Variants in RAB31 observed in about 807,000 individuals in gnomAD.
The protein encoded by RAB31 is RAB31, member RAS oncogene family, also known as ras-related protein Rab-31.
A neutral mutation model predicts 25.6 loss-of-function variants in RAB31; 21 were observed. That is an observed-to-expected ratio of 0.82 (90% confidence interval 0.58 to 1.18). The LOEUF is 1.18. Among genes scored for constraint, RAB31 ranks in the 50% most tolerant of loss-of-function variants. The pLI is 0.00. For missense variants in RAB31, 196 were observed against 250.1 expected (o/e 0.78, Z 1.46); for synonymous variants, 87 against 84.0 (o/e 1.04, Z -0.20).
intron 3 of RAB31, among the ~76,000 whole-genome samples, chr18:9,801,640 A>C (rs1300518205): frequency 1.3e-5 from 2 of 152,140 alleles, no homozygotes; most frequent in Non-Finnish European, 2.9e-5. Context: ...GTTGGGTCAT[A>C]TGGTAACTCT....
chr18:9,720,898 T>G (rs2068070804), intron 1 of RAB31, among the ~76,000 whole-genome samples: 1 of 152,084 alleles, frequency 6.6e-6, no homozygotes, highest in African/African-American at 2.4e-5. Flanking sequence ...GTTTATAGCT[T>G]CGGTGAAATG....
intron 6 of RAB31, among the ~76,000 whole-genome samples, chr18:9,855,870 A>T (rs768731622): frequency 6.6e-6 from 1 of 152,148 alleles, no homozygotes; most frequent in Non-Finnish European, 1.5e-5. Context: ...TCTCCCCGCC[A>T]TGCAAAACCC....
chr18:9,742,887 T>C (rs2068186977), intron 1 of RAB31, among the ~76,000 whole-genome samples: 1 of 152,214 alleles, frequency 6.6e-6, no homozygotes, highest in African/African-American at 2.4e-5. Flanking sequence ...CTTCTTCTTT[T>C]CCTTCTTCTT....
intron 1 of RAB31, among the ~76,000 whole-genome samples, chr18:9,730,289 T>TTC (rs71358245): frequency 3.2e-4 from 13 of 41,060 alleles, no homozygotes; most frequent in African/African-American, 1.7e-3. Flanking sequence ...TCACCTTATC[T>TTC]TTTTTTTTTT....
At position 9,758,166 on chromosome 18, in the gene RAB31, T is replaced by C. The variant is rs554629566; in HGVS notation, c.40-17112T>C. ...TCATACGTCCCATTAAATGTTGCTC[T>C]CTGAGAAACTGGATTTGTTGCCTCT... On this transcript the variant is annotated intron_variant, in intron 1 of 6. Coordinates refer to ENST00000578921, the MANE Select transcript of RAB31 (RefSeq NM_006868.4). The C allele has an allele frequency of 2.6e-5, 4 of 152,392 alleles. No individual in the cohort carries two copies. In the East Asian group the frequency reaches 7.7e-4, roughly 29 times the overall value. The allele number at this position is 152,392 out of a possible 1,614,324, so 9.4% of individuals were successfully genotyped here. A position where few individuals can be genotyped will look rare whatever the true frequency, so the allele number is the denominator to read the frequency against.
At chr18:9,828,647 A>C (rs1441731976) in intron 5 of RAB31, among the ~76,000 whole-genome samples, 3 of 152,242 alleles carry the variant, frequency 2.0e-5, no homozygotes, top group African/African-American at 4.8e-5. Flanking sequence ...TAATAAATTT[A>C]CATTGCTTTC....
In RAB31 at chr18:9,792,144, CT is replaced by C; in HGVS notation, c.120-4del. On this transcript the variant is annotated splice_polypyrimidine_tract_variant and intron_variant, in intron 2 of 6. Coordinates refer to ENST00000578921, the MANE Select transcript of RAB31 (RefSeq NM_006868.4). The stretch of plus-strand genomic sequence containing the variant: ...GCAGTAATGTGGAGATGCTGACTCT[CT>C]TTTTTCAGGGCATCTTTTATGACCA... 6.2e-7 allele frequency: 1 copy of C among 1,605,668 alleles called. No individual in the cohort carries two copies. Among genetic ancestry groups the C allele is most frequent in the Non-Finnish European group, 8.5e-7 (1 of 1,175,598 alleles).
In RAB31 at chr18:9,800,680, A is replaced by G. The variant is rs538062802; in HGVS notation, c.201+8445A>G. Reference sequence around the variant, plus strand: ...AGCCAACTTTCATCTTTTCTGGATAACCCACTCTGGAGCTTTAGCAGTTAG... The same window carrying G: ...AGCCAACTTTCATCTTTTCTGGATAGCCCACTCTGGAGCTTTAGCAGTTAG... On this transcript the variant is annotated intron_variant, in intron 3 of 6. Transcript: ENST00000578921. Among the ~76,000 whole-genome samples, 3 of 152,226 alleles carry G rather than the reference A, an allele frequency of 2.0e-5. No individual in the cohort carries two copies. The South Asian group carries it at 6.2e-4, about 32-fold the overall frequency.
intron 3 of RAB31, among the ~76,000 whole-genome samples, chr18:9,808,669 A>T (rs1484792286): frequency 6.6e-6 from 1 of 152,186 alleles, no homozygotes; most frequent in Non-Finnish European, 1.5e-5. Context: ...ACGCTCCCTT[A>T]TGGTGGCCTT....
chr18:9,721,904 G>C (rs2068075450), intron 1 of RAB31, among the ~76,000 whole-genome samples: 1 of 152,154 alleles, frequency 6.6e-6, no homozygotes, highest in African/African-American at 2.4e-5. Flanking sequence ...GTTTCAGGTA[G>C]GGGCTTGAGA....
At chr18:9,781,194 G>A (rs2068402409) in intron 2 of RAB31, among the ~76,000 whole-genome samples, 1 of 152,098 alleles carries the variant, frequency 6.6e-6, no homozygotes, top group East Asian at 1.9e-4. Context: ...AATTGTAAAA[G>A]TTTGTATGAT....
At chr18:9,738,830 C>T (rs565245240) in intron 1 of RAB31, among the ~76,000 whole-genome samples, 1 of 152,266 alleles carries the variant, frequency 6.6e-6, no homozygotes, top group South Asian at 2.1e-4. Context: ...AGGAGGCAGC[C>T]TTGTAGGACT....
intron 2 of RAB31, among the ~76,000 whole-genome samples, chr18:9,786,046 G>GAGAAAGAA (rs56216353): frequency 6.6e-6 from 1 of 150,720 alleles, no homozygotes; most frequent in African/African-American, 2.4e-5. Context: ...GTCAGACTCT[G>GAGAAAGAA]AGAAAGAAAG....
chr18:9,842,256 C>T (rs1299526164), intron 5 of RAB31, among the ~76,000 whole-genome samples: 1 of 152,082 alleles, frequency 6.6e-6, no homozygotes, highest in African/African-American at 2.4e-5. Flanking sequence ...AATCTCCAGC[C>T]CCAGAGGCTG....
intron 3 of RAB31, among the ~76,000 whole-genome samples, chr18:9,792,480 G>A (rs1193286628): frequency 1.3e-5 from 2 of 152,090 alleles, no homozygotes; most frequent in African/African-American, 4.8e-5. Flanking sequence ...TCTTATTTCT[G>A]TTTCTTTCCA....
intron 1 of RAB31, among the ~76,000 whole-genome samples, chr18:9,724,298 A>AC (rs2068087549): frequency 7.1e-6 from 1 of 140,746 alleles, no homozygotes; most frequent in South Asian, 2.2e-4. Context: ...CAAAAAAAAA[A>AC]CATTATTATT....
At chr18:9,853,687 T>G (rs979838875) in intron 6 of RAB31, among the ~76,000 whole-genome samples, 1 of 152,218 alleles carries the variant, frequency 6.6e-6, no homozygotes, top group Non-Finnish European at 1.5e-5. Flanking sequence ...CTGACTATCC[T>G]TAATAGTAAT....
At chr18:9,726,013 T>A (rs2068094635) in intron 1 of RAB31, 1 of 152,204 alleles carries the variant, frequency 6.6e-6, no homozygotes, top group Non-Finnish European at 1.5e-5. Context: ...TGGCTTTTTG[T>A]CTTCGATCTG....
At chr18:9,814,156 A>G in intron 4 of RAB31, 65 bp downstream of exon 4, 1 of 1,227,830 alleles carries the variant, frequency 8.1e-7, no homozygotes, top group Admixed American at 2.0e-5. Flanking sequence ...GAGAGACTGG[A>G]GCAGAGACGT....
Sources: gnomAD v4.1 joint callset for allele counts (sites outside exome capture counted in the v4.1 genomes callset) on GRCh38, gnomAD v4.1.1 for gene constraint, MANE v1.5 for transcripts, NCBI Gene and HGNC (gene_info 2026-07-23, HGNC 2026-07-21) for gene names.